Variants in NCOR2 observed in about 807,000 individuals in gnomAD.
NCOR2 encodes nuclear receptor corepressor 2, also known as CTG repeat protein 26.
In NCOR2, 81 loss-of-function variants were observed where a neutral mutation model predicts 262.9. The ratio of observed to expected loss-of-function variants is 0.31; its 90% CI spans 0.26 to 0.37. The LOEUF (loss-of-function observed/expected upper bound fraction) is 0.37. Among genes scored for constraint, NCOR2 ranks in the 10% least tolerant of loss-of-function variants. NCOR2 has a pLI of 1.00. For synonymous variants in NCOR2, 1,659 were observed against 1,559.3 expected, an observed-to-expected ratio of 1.06 and a Z score of -1.51; for missense variants, 3,385 against 3,621.4, an observed-to-expected ratio of 0.93 and a Z score of 1.68.
At chr12:124,363,878 G>C (rs1251323136) in intron 20 of NCOR2, 79 bp from the exon 23 acceptor site, 5 of 1,213,280 alleles carry the variant, frequency 4.1e-6, no homozygotes, top group Non-Finnish European at 5.3e-6. Context: ...GGTTTTGATG[G>C]CCTCTCCTGT....
rs145846892 is a variant in NCOR2 at position 124,528,200 on chromosome 12, T to C, written c.-118+7365A>G. Reference sequence around the variant, plus strand: ...CGCCTCCCCGCCTCCTCCCTCCAGCTGGGGTGGGGATGACTATGAGACGGA... The same window carrying C: ...CGCCTCCCCGCCTCCTCCCTCCAGCCGGGGTGGGGATGACTATGAGACGGA... On this transcript the variant is annotated intron_variant, in intron 1 of 46. Transcript: ENST00000404621. Among the ~76,000 whole-genome samples, 1,109 of 152,168 alleles carry C rather than the reference T, an allele frequency of 7.3e-3. 19 individuals are homozygous for C. The South Asian group carries it at 0.074, about 10-fold the overall frequency.
At chr12:124,396,296 A>C (rs2041651734) in intron 16 of NCOR2, among the ~76,000 whole-genome samples, 1 of 152,230 alleles carries the variant, frequency 6.6e-6, no homozygotes, top group Non-Finnish European at 1.5e-5. Context: ...ACTTCATGCC[A>C]CTGAGATGTT....
intron 19 of NCOR2, among the ~76,000 whole-genome samples, chr12:124,373,299 G>A (rs1475998364): frequency 3.8e-5 from 1 of 26,430 alleles, no homozygotes; most frequent in African/African-American, 8.1e-5. Flanking sequence ...GTGTGCAGGG[G>A]CCCGGGCACA....
intron 13 of NCOR2, among the ~76,000 whole-genome samples, chr12:124,404,434 G>A (rs1214971742): frequency 6.6e-6 from 1 of 152,240 alleles, no homozygotes; most frequent in Non-Finnish European, 1.5e-5. Context: ...CCCGATGGGA[G>A]CAGCAGCCAC....
chr12:124,473,825 C>A (rs1306752916), intron 3 of NCOR2, among the ~76,000 whole-genome samples: 2 of 152,096 alleles, frequency 1.3e-5, no homozygotes, highest in Non-Finnish European at 2.9e-5. Flanking sequence ...CTAATACACA[C>A]CCCCTCCCCA....
chr12:124,378,465 C>T lies in NCOR2; in HGVS notation c.2020-81G>A. ...ACTCCCCATGCCTGGGGCCTCGCCG[C>T]AGGTGCAAAGGGCAGTGATCCCGGC... On this transcript the variant is annotated intron_variant, in intron 17 of 46. Coordinates refer to ENST00000405201, the Ensembl canonical transcript of NCOR2. The surrounding 1 kb of genome is among the most constrained non-coding windows in gnomAD (Gnocchi z 4.2). The T allele has an allele frequency of 7.0e-7, 1 of 1,424,112 alleles. No individual in the cohort carries two copies. Among genetic ancestry groups the T allele is most frequent in the Non-Finnish European group, 9.4e-7 (1 of 1,065,180 alleles). 88.2% of individuals were successfully genotyped at this position (1,424,112 alleles called of 1,614,324 possible).
At chr12:124,412,136 C>T (rs2042618277) in intron 13 of NCOR2, among the ~76,000 whole-genome samples, 1 of 152,254 alleles carries the variant, frequency 6.6e-6, no homozygotes, top group African/African-American at 2.4e-5. Flanking sequence ...GTGAAGGCGG[C>T]CGCACACAGC....
intron 1 of NCOR2, among the ~76,000 whole-genome samples, chr12:124,526,784 C>A (rs1421404463): frequency 1.3e-5 from 2 of 152,134 alleles, no homozygotes; most frequent in African/African-American, 4.8e-5. Context: ...CATGAGGTGG[C>A]CCCCGCTCCC....
In NCOR2 at chr12:124,337,266, T is replaced by C. The variant is rs746624779; in HGVS notation, c.5688-86A>G. 7.1e-6 allele frequency: 10 copies of C among 1,418,386 alleles called. No individual in the cohort carries two copies. The South Asian group carries it at 1.2e-4, about 18-fold the overall frequency. 87.9% of individuals were successfully genotyped at this position (1,418,386 alleles called of 1,614,324 possible). A position where few individuals can be genotyped will look rare whatever the true frequency, so the allele number is the denominator to read the frequency against. On this transcript the variant is annotated intron_variant, in intron 37 of 46. Coordinates refer to ENST00000405201, the Ensembl canonical transcript of NCOR2. ...TCGATGAGTCCCCATTGCCCTGGGA[T>C]AAATCCACATCCCCTGCTGCTCCCA... is the stretch of plus-strand genomic sequence containing the variant.
rs181446380 is a variant in NCOR2 at position 124,335,126 on chromosome 12, C to G, written c.6411+9G>C. 5.0e-6 allele frequency: 8 copies of G among 1,612,336 alleles called. No homozygotes were observed. In the East Asian group the frequency reaches 1.3e-4, roughly 27 times the overall value. The stretch of plus-strand genomic sequence containing the variant: ...AGGTGACAAGCAGCAGCAGAGAACG[C>G]GTAGTTACACTGATGTGCTGGGCCA... On this transcript the variant is annotated intron_variant, in intron 40 of 46. Transcript: ENST00000405201.
chr12:124,457,254 C>T lies in NCOR2; in HGVS notation c.706-92G>A, dbSNP rs1447182939. ...GCTTCCCGGAGCAGCGGGCACCTGC[C>T]CAGCCCAGTCCAGCATGCTGATCCT... On this transcript the variant is annotated intron_variant, in intron 5 of 46. Transcript: ENST00000405201. This position sits in a 1 kb window ranked among gnomAD's most constrained non-coding sequence, Gnocchi z 4.0. The T allele has an allele frequency of 1.5e-5, 20 of 1,314,758 alleles. No homozygotes were observed. Among genetic ancestry groups the T allele is most frequent in the Non-Finnish European group, 1.9e-5 (19 of 984,032 alleles). The allele number at this position is 1,314,758 out of a possible 1,614,324, so 81.4% of individuals were successfully genotyped here. A position where few individuals can be genotyped will look rare whatever the true frequency, so the allele number is the denominator to read the frequency against.
At chr12:124,362,034 G>T in intron 22 of NCOR2, 92 bp downstream of exon 24, 2 of 1,138,650 alleles carry the variant, frequency 1.8e-6, no homozygotes, top group South Asian at 4.5e-5. Context: ...TGTGGCCATG[G>T]GGTTTGCAGC....
At chr12:124,497,166 A>G (rs1430320444), upstream of NCOR2, among the ~76,000 whole-genome samples, 2 of 152,206 alleles carry the variant, frequency 1.3e-5, no homozygotes, top group African/African-American at 4.8e-5. The surrounding 1 kb of genome is among the most constrained non-coding windows in gnomAD (Gnocchi z 4.2). Context: ...ACAGGGAAAG[A>G]AGGAGTCACA....
At chr12:124,505,154 C>CTA (rs2048976255) in intron 1 of NCOR2, among the ~76,000 whole-genome samples, 2 of 152,316 alleles carry the variant, frequency 1.3e-5, no homozygotes, top group Middle Eastern at 6.8e-3. Flanking sequence ...ACGTCCCCTC[C>CTA]TACTCAGCTA....
In NCOR2 at chr12:124,528,361, A is replaced by T. The variant is rs1411122716; in HGVS notation, c.-118+7204T>A. On this transcript the variant is annotated intron_variant, in intron 1 of 46. Coordinates refer to the NCOR2 transcript ENST00000404621. The stretch of plus-strand genomic sequence containing the variant: ...ATTTATTTACGGGATTGCTTATTTA[A>T]TTTACAGGCCTCCTTCCCCGAAAAG... Among the ~76,000 whole-genome samples the T allele has an allele frequency of 3.9e-5, 6 of 152,298 alleles. No individual in the cohort carries two copies. In the East Asian group the frequency reaches 1.2e-3, roughly 29 times the overall value.
exon 2 of NCOR2, chr12:124,486,532 C>T (rs761058810): frequency 1.0e-5 from 16 of 1,596,170 alleles, no homozygotes; most frequent in East Asian, 2.3e-5. Flanking sequence ...GAGGCATAGT[C>T]GCGGGAGTGG....
chr12:124,424,981 G>GC (rs918493178), intron 11 of NCOR2, among the ~76,000 whole-genome samples: 2 of 152,218 alleles, frequency 1.3e-5, no homozygotes, highest in African/African-American at 4.8e-5. Flanking sequence ...CCCTCTACGT[G>GC]CAAGTGATTA....
At chr12:124,551,903 G>GGA (rs2051725894) in intron 1 of NCOR2, among the ~76,000 whole-genome samples, 1 of 152,234 alleles carries the variant, frequency 6.6e-6, no homozygotes, top group Admixed American at 6.5e-5. Context: ...AGCCCACATG[G>GGA]GAGACCCAGC....
exon 28 of NCOR2, chr12:124,350,710 C>T (rs1428568878): frequency 6.2e-7 from 1 of 1,613,036 alleles, no homozygotes; most frequent in East Asian, 2.2e-5. Flanking sequence ...GTGATGGTGC[C>T]CTTGTACAGG....
Sources: allele counts gnomAD v4.1 joint callset (sites outside exome capture counted in the v4.1 genomes callset), GRCh38; gene constraint gnomAD v4.1.1; non-coding constraint Gnocchi (gnomAD v3.1); transcripts MANE v1.5; gene names NCBI Gene and HGNC (gene_info 2026-07-23, HGNC 2026-07-21).